The following PHACTR2 variants were observed in gnomAD, a reference collection of about 807,000 sequenced individuals.
PHACTR2 encodes chromosome 6 open reading frame 56.
PHACTR2 carries 30 observed loss-of-function variants against 76.0 expected under a neutral mutation model. That is an observed-to-expected ratio of 0.39 (90% CI 0.30 to 0.54). The LOEUF (loss-of-function observed/expected upper bound fraction) is 0.54. PHACTR2 is among the 20% of genes least tolerant of loss of function. The pLI is 0.61. For synonymous variants in PHACTR2, 292 were observed against 292.5 expected (o/e 1.00, Z 0.02); for missense variants, 696 against 781.1 (o/e 0.89, Z 1.30).
At chr6:143,601,292 G>A (rs1434413872) in intron 1 of PHACTR2, among the ~76,000 whole-genome samples, 1 of 152,176 alleles carries the variant, frequency 6.6e-6, no homozygotes. Context: ...GGAAAAAAAG[G>A]CCGTCTTGGG....
chr6:143,819,883 A>T lies in PHACTR2; in HGVS notation c.1923-3791A>T, dbSNP rs771681174. 6.6e-6 allele frequency among the ~76,000 whole-genome samples: 1 copy of T among 152,210 alleles called. No homozygotes were observed. The highest frequency in any genetic ancestry group is 1.5e-5 in the Non-Finnish European group (1 of 68,032). On this transcript the variant is annotated intron_variant, in intron 12 of 12. Coordinates refer to ENST00000440869, the MANE Select transcript of PHACTR2 (RefSeq NM_001100164.2). The surrounding 1 kb of genome is among the most constrained non-coding windows in gnomAD (Gnocchi z 5.0). ...AGAAATACCTGAGACTAGGTAATTTATAAGAAAACAGGTTTAATTGGCTCA... is the reference window on the plus strand; with the variant it reads ...AGAAATACCTGAGACTAGGTAATTTTTAAGAAAACAGGTTTAATTGGCTCA...
chr6:143,537,086 G>C lies in PHACTR2; in HGVS notation c.96G>C (p.Pro32=). The C allele has an allele frequency of 4.8e-6, 1 of 209,470 alleles. No homozygotes were observed. The allele number at this position is 209,470 out of a possible 1,614,324, so 13.0% of individuals were successfully genotyped here. ...TCCCCGAGCCCGAGGCGCCCGCCCCGCCGGCGGCGCCTGCCCTGCGCTGGC... is the reference window on the plus strand; with the variant it reads ...TCCCCGAGCCCGAGGCGCCCGCCCCCCCGGCGGCGCCTGCCCTGCGCTGGC... The change falls in exon 1 of 12, where the codon CCG becomes CCC. Residue 32 remains proline (P), a synonymous_variant. Coordinates refer to the PHACTR2 transcript ENST00000367584. This position sits in a 1 kb window ranked among gnomAD's most constrained non-coding sequence, Gnocchi z 4.4.
At chr6:143,790,394 G>A (rs184247675) in intron 11 of PHACTR2, among the ~76,000 whole-genome samples, 1 of 151,924 alleles carries the variant, frequency 6.6e-6, no homozygotes, top group Non-Finnish European at 1.5e-5. Flanking sequence ...TGGAGTAGCA[G>A]GTCAGTACTT....
At chr6:143,686,906 A>C (rs1162538018) in intron 1 of PHACTR2, among the ~76,000 whole-genome samples, 1 of 152,110 alleles carries the variant, frequency 6.6e-6, no homozygotes, top group Non-Finnish European at 1.5e-5. Flanking sequence ...TAAAGTCATG[A>C]GCTCACCTGC....
rs1003505372 is a variant in PHACTR2, at chr6:143,616,865, T to C, written c.13+8543T>C. ...GGAATCAGCCACGTGAGAGCCAGGG[T>C]AAAAATGTGTCAAGCTGAGTGGCCG... On this transcript the variant is annotated intron_variant, in intron 1 of 11. Transcript: ENST00000305766. This position sits in a 1 kb window ranked among gnomAD's most constrained non-coding sequence, Gnocchi z 4.9. 2.0e-5 allele frequency among the ~76,000 whole-genome samples: 3 copies of C among 151,410 alleles called. No homozygotes were observed. The highest frequency in any genetic ancestry group is 7.3e-5 in the African/African-American group (3 of 41,170).
At chr6:143,638,983 T>A (rs1776517959) in intron 1 of PHACTR2, among the ~76,000 whole-genome samples, 1 of 152,262 alleles carries the variant, frequency 6.6e-6, no homozygotes, top group Non-Finnish European at 1.5e-5. Context: ...CCCAAAACTA[T>A]GAATGACATT....
chr6:143,563,617 A>C (rs1412430274), intron 1 of PHACTR2, among the ~76,000 whole-genome samples: 1 of 151,808 alleles, frequency 6.6e-6, no homozygotes, highest in East Asian at 1.9e-4. Flanking sequence ...TTAGGGAATC[A>C]GTAAGATTCC....
Position 143,616,862 on chromosome 6 carries a change from G to T in PHACTR2, c.13+8540G>T, listed in dbSNP as rs1209170537. On this transcript the variant is annotated intron_variant, in intron 1 of 11. Coordinates refer to the PHACTR2 transcript ENST00000305766. This position sits in a 1 kb window ranked among gnomAD's most constrained non-coding sequence, Gnocchi z 4.9. ...AAAGGAATCAGCCACGTGAGAGCCA[G>T]GGTAAAAATGTGTCAAGCTGAGTGG... is the stretch of plus-strand genomic sequence containing the variant. Among the ~76,000 whole-genome samples the T allele has an allele frequency of 9.9e-5, 15 of 152,138 alleles. No homozygotes were observed. Among genetic ancestry groups the T allele is most frequent in the Non-Finnish European group, 2.9e-5 (2 of 68,024 alleles).
chr6:143,709,292 A>G lies in PHACTR2; in HGVS notation c.47-2724A>G, dbSNP rs1464043946. ...CTTGAATCTCCAATTTTCCCTAGCA[A>G]TGCACAGTGTCTGCCCATCTCTGCC... On this transcript the variant is annotated intron_variant, in intron 1 of 12. Transcript: ENST00000440869. The surrounding 1 kb of genome is among the most constrained non-coding windows in gnomAD (Gnocchi z 4.4). 1.3e-5 allele frequency among the ~76,000 whole-genome samples: 2 copies of G among 152,226 alleles called. No homozygotes were observed. Among genetic ancestry groups the G allele is most frequent in the African/African-American group, 4.8e-5 (2 of 41,470 alleles).
At chr6:143,747,919 C>A (rs929346570) in intron 2 of PHACTR2, among the ~76,000 whole-genome samples, 1 of 152,178 alleles carries the variant, frequency 6.6e-6, no homozygotes, top group African/African-American at 2.4e-5. Context: ...ATACTATACA[C>A]ACTCAAGGGG....
In PHACTR2 at chr6:143,809,888, G is replaced by A. The variant is rs929825630; in HGVS notation, c.1922+2755G>A. Among the ~76,000 whole-genome samples, 16 of 152,144 alleles carry A rather than the reference G, an allele frequency of 1.1e-4. No homozygotes were observed. The highest frequency in any genetic ancestry group is 1.5e-4 in the Non-Finnish European group (10 of 68,028). ...GCACTTGGGGAGGCCGAGGTGGGCA[G>A]ATCTTTTGAGCTCAGGAGTTCGAGA... is the stretch of plus-strand genomic sequence containing the variant. On this transcript the variant is annotated intron_variant, in intron 12 of 12. Coordinates refer to ENST00000440869, the MANE Select transcript of PHACTR2 (RefSeq NM_001100164.2). The surrounding 1 kb of genome is among the most constrained non-coding windows in gnomAD (Gnocchi z 4.2).
At position 143,825,903 on chromosome 6, in the gene PHACTR2, A is replaced by G. The variant is rs111238749; in HGVS notation, c.*2214A>G. 6.5e-4 allele frequency: 99 copies of G among 152,270 alleles called. No homozygotes were observed. The highest frequency in any genetic ancestry group is 2.4e-3 in the African/African-American group (98 of 41,556). 9.4% of individuals were successfully genotyped at this position (152,270 alleles called of 1,614,324 possible). ...GTGATGCAATTTTTTATTGCCTACA[A>G]TGAGATACACTTAGTACAAAAAATG... On this transcript the variant is annotated 3_prime_UTR_variant, in exon 13 of 13. Coordinates refer to ENST00000440869, the MANE Select transcript of PHACTR2 (RefSeq NM_001100164.2). This position sits in a 1 kb window ranked among gnomAD's most constrained non-coding sequence, Gnocchi z 4.1.
rs532963648 is a variant in PHACTR2, at chr6:143,764,262, C to G, written c.695-999C>G. ...CACACCTGTAATTCTTTGGAGCCAC[C>G]AAAGCCTCTCACTTTGGGAGGCTGA... On this transcript the variant is annotated intron_variant, in intron 5 of 12. Coordinates refer to ENST00000440869, the MANE Select transcript of PHACTR2 (RefSeq NM_001100164.2). The surrounding 1 kb of genome is among the most constrained non-coding windows in gnomAD (Gnocchi z 4.7). 4.6e-5 allele frequency among the ~76,000 whole-genome samples: 7 copies of G among 152,116 alleles called. No individual in the cohort carries two copies. In the South Asian group the frequency reaches 1.5e-3, roughly 32 times the overall value.
chr6:143,592,962 G>A lies in PHACTR2; in HGVS notation c.217+55755G>A, dbSNP rs544076721. ...AGGGTGAGGTGGGAGGATCGCTTGA[G>A]CCTGGGAAGTCGATACTATTGTAAG... On this transcript the variant is annotated intron_variant, in intron 1 of 11. Coordinates refer to the PHACTR2 transcript ENST00000367584. This position sits in a 1 kb window ranked among gnomAD's most constrained non-coding sequence, Gnocchi z 4.0. 4.1e-3 allele frequency among the ~76,000 whole-genome samples: 607 copies of A among 149,642 alleles called. 8 individuals are homozygous for A. The highest frequency in any genetic ancestry group is 0.014 in the African/African-American group (576 of 40,544).
chr6:143,721,294 G>T (rs1778437426), intron 2 of PHACTR2, among the ~76,000 whole-genome samples: 1 of 152,062 alleles, frequency 6.6e-6, no homozygotes, highest in Non-Finnish European at 1.5e-5. Flanking sequence ...TGGAATTATG[G>T]GTATGCTCCC....
At chr6:143,735,265 GC>G (rs1056391583) in intron 2 of PHACTR2, among the ~76,000 whole-genome samples, 1 of 151,906 alleles carries the variant, frequency 6.6e-6, no homozygotes, top group Non-Finnish European at 1.5e-5. Context: ...GGCGTAAGAG[GC>G]TATATACAAA....
intron 2 of PHACTR2, among the ~76,000 whole-genome samples, chr6:143,715,077 A>T (rs12662850): frequency 3.9e-5 from 6 of 151,924 alleles, no homozygotes; most frequent in Non-Finnish European, 7.4e-5. Flanking sequence ...CCACATTCTC[A>T]TTCCTTTTCC....
At chr6:143,798,966 AG>A (rs1775892498) in intron 11 of PHACTR2, among the ~76,000 whole-genome samples, 1 of 152,228 alleles carries the variant, frequency 6.6e-6, no homozygotes, top group Admixed American at 6.5e-5. Context: ...GAATGGTACC[AG>A]CTCCTCTTTG....
At position 143,562,237 on chromosome 6, in the gene PHACTR2, A is replaced by G. The variant is rs144976915; in HGVS notation, c.217+25030A>G. 0.011 allele frequency among the ~76,000 whole-genome samples: 1,620 copies of G among 152,282 alleles called. 27 individuals carry two copies. Among genetic ancestry groups the G allele is most frequent in the African/African-American group, 0.036 (1,515 of 41,546 alleles). The stretch of plus-strand genomic sequence containing the variant: ...CCTGAGACTGGGTAATTTAGAAAGA[A>G]AAGAGGTTTAATTAGCTCACAGTTC... On this transcript the variant is annotated intron_variant, in intron 1 of 11. Coordinates refer to the PHACTR2 transcript ENST00000367584. This position sits in a 1 kb window ranked among gnomAD's most constrained non-coding sequence, Gnocchi z 5.1.
Sources: allele counts gnomAD v4.1 joint callset (sites outside exome capture counted in the v4.1 genomes callset), GRCh38; gene constraint gnomAD v4.1.1; non-coding constraint Gnocchi (gnomAD v3.1); transcripts MANE v1.5; gene names NCBI Gene and HGNC (gene_info 2026-07-23, HGNC 2026-07-21).